DMD: variants seen among roughly 807,000 people sequenced by gnomAD.
The protein encoded by DMD is dystrophin.
In DMD, 63 loss-of-function variants were observed where a neutral mutation model predicts 330.1. The ratio of observed to expected loss-of-function variants is 0.19; its 90% CI spans 0.16 to 0.24. The LOEUF is 0.24. Ranked by LOEUF, DMD falls within the 10% of genes least tolerant of loss-of-function variation. The probability of loss-of-function intolerance (pLI) is 1.00; values close to 1 mark genes in which losing one functional copy is unlikely to be tolerated. For missense variants in DMD, 3,344 were observed against 2,684.1 expected, an observed-to-expected ratio of 1.25 and a Z score of -5.43; for synonymous variants, 1,223 against 959.8, an observed-to-expected ratio of 1.27 and a Z score of -5.07.
chrX:32,162,808 G>T (rs1409070950), intron 44 of DMD, among the ~76,000 whole-genome samples: 1 of 106,735 alleles, frequency 9.4e-6, no homozygotes, highest in Non-Finnish European at 1.9e-5. Flanking sequence ...TCAAACTCCT[G>T]ACCTCAAGTG....
At chrX:33,010,765 C>A (rs1035668129) in intron 2 of DMD, among the ~76,000 whole-genome samples, 40 of 110,621 alleles carry the variant, frequency 3.6e-4, no homozygotes, top group African/African-American at 1.3e-3. Flanking sequence ...TTTGAGGGTT[C>A]AATAAATTCC....
chrX:31,665,122 CTCAAT>C (rs2081356368), intron 53 of DMD, among the ~76,000 whole-genome samples: 1 of 111,571 alleles, frequency 9.0e-6, no homozygotes. Context: ...TTTCTGGACT[CTCAAT>C]TCAGGTTTCA....
At chrX:32,594,736 CTCT>C (rs1211497416) in intron 13 of DMD, among the ~76,000 whole-genome samples, 2 of 111,489 alleles carry the variant, frequency 1.8e-5, no homozygotes, top group Non-Finnish European at 3.8e-5. Flanking sequence ...TCTTCTCGTC[CTCT>C]TCTTCTTGCT....
chrX:31,990,146 T>G (rs144700717), intron 44 of DMD, among the ~76,000 whole-genome samples: 2,136 of 112,610 alleles, frequency 0.019, 41 homozygotes, highest in East Asian at 0.05. Flanking sequence ...GCGCTTAATG[T>G]CTTCATAACG....
chrX:31,143,667 T>A (rs894104856), intron 76 of DMD, among the ~76,000 whole-genome samples: 11 of 112,033 alleles, frequency 9.8e-5, no homozygotes, highest in Admixed American at 4.7e-4. Context: ...ATGATCTTTT[T>A]AGCTCCACAG....
At chrX:32,416,837 T>C (rs770725446) in intron 29 of DMD, among the ~76,000 whole-genome samples, 5 of 111,650 alleles carry the variant, frequency 4.5e-5, no homozygotes, top group Non-Finnish European at 9.4e-5. Context: ...AGTTTACCAG[T>C]CAAGTTTTCT....
chrX:32,795,881 T>G (rs967400506), intron 7 of DMD, among the ~76,000 whole-genome samples: 1 of 111,389 alleles, frequency 9.0e-6, no homozygotes, highest in Non-Finnish European at 1.9e-5. Context: ...ATTAGGGAAA[T>G]GCAAATCAAG....
chrX:32,505,845 A>G (rs2044563358), intron 18 of DMD, among the ~76,000 whole-genome samples: 1 of 112,319 alleles, frequency 8.9e-6, no homozygotes, highest in Non-Finnish European at 1.9e-5. Context: ...ATCAAGCCAT[A>G]AAAAGACATG....
In DMD at chrX:31,180,012, T is replaced by G. The variant is rs770861560; in HGVS notation, c.10086+358A>C. On this transcript the variant is annotated intron_variant, in intron 69 of 78. Transcript: ENST00000357033. ...GGTAGTTTATGAATTTGGGGGAACCTAGAACCATCCCCCATACTCAACATG... is the reference window on the plus strand; with the variant it reads ...GGTAGTTTATGAATTTGGGGGAACCGAGAACCATCCCCCATACTCAACATG... Among the ~76,000 whole-genome samples the G allele has an allele frequency of 8.9e-5, 10 of 111,887 alleles. No homozygotes were observed. In the South Asian group the frequency reaches 2.7e-3, roughly 30 times the overall value.
At chrX:32,823,628 G>T (rs1280610731) in intron 4 of DMD, among the ~76,000 whole-genome samples, 1 of 111,426 alleles carries the variant, frequency 9.0e-6, no homozygotes, top group South Asian at 3.8e-4. Context: ...AGATTAAAGA[G>T]GTCAACTGGA....
rs200384296 is a variant in DMD, at chrX:33,093,612, CAGTA to C, written c.32-73416_32-73413del. Among the ~76,000 whole-genome samples the C allele has an allele frequency of 5.1e-3, 569 of 111,571 alleles. 4 individuals are homozygous for C. Among genetic ancestry groups the C allele is most frequent in the African/African-American group, 0.018 (542 of 30,761 alleles). On this transcript the variant is annotated intron_variant, in intron 1 of 78. Coordinates refer to ENST00000357033, the MANE Select transcript of DMD (RefSeq NM_004006.3). ...TATGTCTCCAAATCATTGTGAAAGA[CAGTA>C]AGCAAAAACTGACAAATTAGTACAA... is the stretch of plus-strand genomic sequence containing the variant.
chrX:32,116,488 T>G (rs764394413), intron 44 of DMD, among the ~76,000 whole-genome samples: 56 of 112,245 alleles, frequency 5.0e-4, no homozygotes, highest in Non-Finnish European at 9.0e-4. Context: ...GCATATATCA[T>G]GTACTTCACA....
intron 44 of DMD, among the ~76,000 whole-genome samples, chrX:32,194,880 A>G (rs1429864524): frequency 1.8e-5 from 2 of 111,752 alleles, no homozygotes; most frequent in African/African-American, 6.5e-5. Flanking sequence ...GTTCATCCTA[A>G]TAAGATAAAT....
intron 2 of DMD, among the ~76,000 whole-genome samples, chrX:32,894,807 G>C (rs1319387167): frequency 8.9e-5 from 10 of 112,487 alleles, no homozygotes; most frequent in South Asian, 3.7e-4. Context: ...TTATGTTGTT[G>C]TTTTGTGTGT....
intron 1 of DMD, among the ~76,000 whole-genome samples, chrX:33,189,684 G>A (rs1360416039): frequency 9.0e-6 from 1 of 111,078 alleles, no homozygotes. Context: ...TAAGAGATGA[G>A]GAGAAGGGTA....
chrX:32,350,387 TA>T (rs1386185448), intron 37 of DMD, among the ~76,000 whole-genome samples: 9 of 111,469 alleles, frequency 8.1e-5, no homozygotes, highest in Non-Finnish European at 1.7e-4. Context: ...TGGAGCACAT[TA>T]TCTTTCCCGC....
chrX:31,687,277 A>G (rs1180389887), intron 52 of DMD, among the ~76,000 whole-genome samples: 1 of 110,896 alleles, frequency 9.0e-6, no homozygotes, highest in East Asian at 2.9e-4. Flanking sequence ...TCTGTTTGAG[A>G]AAAGTAGACA....
intron 4 of DMD, among the ~76,000 whole-genome samples, chrX:32,825,035 C>G (rs772756764): frequency 9.0e-6 from 1 of 111,720 alleles, no homozygotes; most frequent in Non-Finnish European, 1.9e-5. Context: ...TACCTTTTGG[C>G]TATCTGCCAG....
At chrX:31,909,778 A>T (rs1407071412) in intron 47 of DMD, among the ~76,000 whole-genome samples, 1 of 112,624 alleles carries the variant, frequency 8.9e-6, no homozygotes, top group Non-Finnish European at 1.9e-5. Flanking sequence ...AGTGTTAACA[A>T]ATAATAGTTT....
Sources: allele counts gnomAD v4.1 joint callset (sites outside exome capture counted in the v4.1 genomes callset), GRCh38; gene constraint gnomAD v4.1.1; transcripts MANE v1.5; gene names NCBI Gene and HGNC (gene_info 2026-07-23, HGNC 2026-07-21).